Variants in CSMD1 observed in about 807,000 individuals in gnomAD.
CSMD1 encodes CUB and Sushi multiple domains 1, also known as CUB and sushi domain-containing protein 1.
A neutral mutation model predicts 417.5 loss-of-function variants in CSMD1; 213 were observed. The observed-to-expected ratio is 0.51, with a 90% CI of 0.46 to 0.57. CSMD1 has a LOEUF of 0.57. Ranked by LOEUF, CSMD1 falls within the 20% of genes least tolerant of loss-of-function variation. The pLI is 0.00. For synonymous variants in CSMD1, 2,862 were observed against 1,736.8 expected (o/e 1.65, Z -16.11); for missense variants, 6,923 against 4,529.7 (o/e 1.53, Z -15.17).
intron 3 of CSMD1, among the ~76,000 whole-genome samples, chr8:4,084,753 AC>A (rs1241510562): frequency 8.3e-6 from 1 of 119,918 alleles, no homozygotes; most frequent in African/African-American, 3.2e-5. Flanking sequence ...CCACCCCCCT[AC>A]CCAAAGCATG....
intron 1 of CSMD1, among the ~76,000 whole-genome samples, chr8:4,743,585 G>C (rs1279084637): frequency 2.0e-5 from 3 of 152,050 alleles, no homozygotes; most frequent in Non-Finnish European, 4.4e-5. Context: ...CCTGATTATT[G>C]GGTCATTCCC....
At chr8:3,892,070 TTG>T (rs1360638079) in intron 5 of CSMD1, among the ~76,000 whole-genome samples, 5 of 152,080 alleles carry the variant, frequency 3.3e-5, no homozygotes, top group African/African-American at 1.2e-4. Flanking sequence ...GTAAGGTTCA[TTG>T]TGTGTGTGCT....
At chr8:4,504,185 G>C (rs1198041314) in intron 2 of CSMD1, among the ~76,000 whole-genome samples, 2 of 152,090 alleles carry the variant, frequency 1.3e-5, no homozygotes, top group South Asian at 4.1e-4. Flanking sequence ...CAACAATATG[G>C]ATGAACCTCA....
At chr8:4,249,484 T>C (rs919837004) in intron 3 of CSMD1, among the ~76,000 whole-genome samples, 4 of 152,206 alleles carry the variant, frequency 2.6e-5, no homozygotes, top group Non-Finnish European at 5.9e-5. Context: ...GGGTTAAACA[T>C]TTTATTTAAT....
chr8:3,852,737 G>C (rs1246744216), intron 5 of CSMD1, among the ~76,000 whole-genome samples: 1 of 152,040 alleles, frequency 6.6e-6, no homozygotes, highest in Non-Finnish European at 1.5e-5. Flanking sequence ...GGTCAGGTAA[G>C]CGTCTGCATC....
intron 1 of CSMD1, among the ~76,000 whole-genome samples, chr8:4,860,480 G>C (rs947682216): frequency 6.6e-6 from 1 of 151,876 alleles, no homozygotes; most frequent in Admixed American, 6.6e-5. Context: ...TAATTTGCTG[G>C]CTCCCTCATC....
chr8:3,470,196 A>G, intron 11 of CSMD1, among the ~76,000 whole-genome samples: 1 of 152,188 alleles, frequency 6.6e-6, no homozygotes, highest in East Asian at 1.9e-4. Context: ...TGTAAATGAA[A>G]TCATACTATA....
chr8:4,958,221 C>T (rs1809249831), intron 1 of CSMD1, among the ~76,000 whole-genome samples: 1 of 152,064 alleles, frequency 6.6e-6, no homozygotes, highest in African/African-American at 2.4e-5. Flanking sequence ...TTATAGTTTT[C>T]ATGAAGAGTC....
intron 10 of CSMD1, among the ~76,000 whole-genome samples, chr8:3,535,667 C>G (rs7845068): frequency 6.6e-6 from 1 of 152,168 alleles, no homozygotes. Context: ...ACTACAAAAT[C>G]TATGCATGTA....
At chr8:3,562,972 A>G (rs1196962160) in intron 10 of CSMD1, among the ~76,000 whole-genome samples, 2 of 152,130 alleles carry the variant, frequency 1.3e-5, no homozygotes, top group South Asian at 2.1e-4. Context: ...ATTGCATTCT[A>G]TTAGCCCAAA....
intron 3 of CSMD1, among the ~76,000 whole-genome samples, chr8:4,118,364 C>G (rs945144250): frequency 3.3e-5 from 5 of 150,568 alleles, no homozygotes; most frequent in African/African-American, 4.9e-5. Flanking sequence ...TGACAAATGT[C>G]TAACATCCAG....
At chr8:3,476,820 A>T (rs910218748) in intron 11 of CSMD1, among the ~76,000 whole-genome samples, 12 of 150,792 alleles carry the variant, frequency 8.0e-5, no homozygotes, top group African/African-American at 2.9e-4. Flanking sequence ...TGGGAGGCTG[A>T]GGCAAGGGAA....
chr8:3,220,459 C>T (rs935133079), intron 28 of CSMD1, among the ~76,000 whole-genome samples: 2 of 152,166 alleles, frequency 1.3e-5, no homozygotes, highest in East Asian at 3.9e-4. Context: ...TACGCACACT[C>T]TAAGAGAAAG....
intron 36 of CSMD1, among the ~76,000 whole-genome samples, chr8:3,182,296 G>A (rs186531619): frequency 1.3e-5 from 2 of 152,188 alleles, no homozygotes; most frequent in East Asian, 3.9e-4. Flanking sequence ...ACCCAGGCTG[G>A]AGTGCAGTGG....
At chr8:3,994,959 C>T (rs1815087769) in intron 5 of CSMD1, among the ~76,000 whole-genome samples, 1 of 152,168 alleles carries the variant, frequency 6.6e-6, no homozygotes, top group Non-Finnish European at 1.5e-5. Flanking sequence ...CAGTCACTCG[C>T]ACCACCCTCC....
chr8:3,516,619 G>T (rs772490773), intron 10 of CSMD1, among the ~76,000 whole-genome samples: 1 of 152,090 alleles, frequency 6.6e-6, no homozygotes. Context: ...GTTTATTTTT[G>T]TTGTTATTGT....
chr8:4,299,851 G>A (rs550892372), intron 3 of CSMD1, among the ~76,000 whole-genome samples: 2 of 151,948 alleles, frequency 1.3e-5, no homozygotes, highest in African/African-American at 4.8e-5. Flanking sequence ...GGATGGTCTC[G>A]ATCTCCTGAC....
intron 6 of CSMD1, among the ~76,000 whole-genome samples, chr8:3,712,810 A>G (rs541605653): frequency 1.6e-4 from 24 of 152,314 alleles, no homozygotes; most frequent in Non-Finnish European, 2.5e-4. Context: ...ATTCAGATTC[A>G]ACAATTTCAA....
rs181220742 is a variant in CSMD1 at position 4,811,241 on chromosome 8, T to C, written c.86-173683A>G. Among the ~76,000 whole-genome samples the C allele has an allele frequency of 7.2e-5, 11 of 152,286 alleles. No individual in the cohort carries two copies. The East Asian group carries it at 1.7e-3, about 24-fold the overall frequency. Reference sequence around the variant, plus strand: ...GGTTCAACAAGAGAACTGAAGACAATTCAATTTTATTGAATTTCAATTTAA... The same window carrying C: ...GGTTCAACAAGAGAACTGAAGACAACTCAATTTTATTGAATTTCAATTTAA... On this transcript the variant is annotated intron_variant, in intron 1 of 69. Coordinates refer to ENST00000635120, the MANE Select transcript of CSMD1 (RefSeq NM_033225.6).
Sources: allele counts gnomAD v4.1 joint callset (sites outside exome capture counted in the v4.1 genomes callset), GRCh38; gene constraint gnomAD v4.1.1; transcripts MANE v1.5; gene names NCBI Gene and HGNC (gene_info 2026-07-23, HGNC 2026-07-21).